The following CWF19L2 variants were observed in gnomAD, a reference collection of about 807,000 sequenced individuals.
CWF19L2 encodes CWF19-like protein 2.
Under a neutral mutation model 111.7 loss-of-function variants are expected in CWF19L2, and 98 were observed. That is an observed-to-expected ratio of 0.88 (90% CI 0.75 to 1.04). CWF19L2 has a LOEUF of 1.04. Ranked by LOEUF, CWF19L2 falls within the 50% of genes least tolerant of loss-of-function variation. CWF19L2 has a pLI of 0.00. For missense variants in CWF19L2, 1,101 were observed against 1,051.4 expected, an observed-to-expected ratio of 1.05 and a Z score of -0.65; for synonymous variants, 351 against 342.9, an observed-to-expected ratio of 1.02 and a Z score of -0.26.
At chr11:107,356,289 A>T (rs1860236241) in intron 12 of CWF19L2, among the ~76,000 whole-genome samples, 1 of 152,192 alleles carries the variant, frequency 6.6e-6, no homozygotes. Context: ...AAGACAAGAA[A>T]GGTCTCAAAT....
intron 3 of CWF19L2, among the ~76,000 whole-genome samples, chr11:107,451,029 A>T (rs1041544226): frequency 3.9e-5 from 6 of 152,210 alleles, no homozygotes; most frequent in Non-Finnish European, 7.4e-5. Context: ...ACTATACCTA[A>T]CAATGGCAGA....
At chr11:107,413,984 T>C (rs541199019) in intron 10 of CWF19L2, among the ~76,000 whole-genome samples, 1 of 152,156 alleles carries the variant, frequency 6.6e-6, no homozygotes, top group South Asian at 2.1e-4. Context: ...AAAAGAGGTA[T>C]CATGTAAAAA....
At chr11:107,454,622 T>A in intron 2 of CWF19L2, 50 bp from the exon 3 acceptor site, 2 of 1,222,896 alleles carry the variant, frequency 1.6e-6, no homozygotes, top group Non-Finnish European at 2.1e-6. Flanking sequence ...CATCTTAATT[T>A]AAAAGGATGT....
At chr11:107,393,149 T>G (rs996934675) in intron 10 of CWF19L2, among the ~76,000 whole-genome samples, 1 of 152,104 alleles carries the variant, frequency 6.6e-6, no homozygotes, top group Non-Finnish European at 1.5e-5. Context: ...CAAATAAAAT[T>G]TTCATCTAGA....
chr11:107,335,834 C>G (rs1859915106), intron 15 of CWF19L2, among the ~76,000 whole-genome samples: 1 of 152,116 alleles, frequency 6.6e-6, no homozygotes, highest in South Asian at 2.1e-4. Flanking sequence ...AGAACAGATA[C>G]AGTGCTATTA....
In CWF19L2 at chr11:107,329,935, G is replaced by A; in HGVS notation, c.2524C>T (p.Pro842Ser). 1 of 1,582,668 alleles carries A rather than the reference G, an allele frequency of 6.3e-7. No homozygotes were observed. The highest frequency in any genetic ancestry group is 2.3e-5 in the East Asian group (1 of 44,054). The change falls in exon 17 of 18, where the codon CCT (proline) becomes TCT (serine). Residue 842 changes from proline (P) to serine (S), a missense_variant. Transcript: ENST00000282251. ...AHVIEDQHKF[P>S]HYFGKEIIGG... Reference sequence around the variant, plus strand: ...AAGCCTACCTTTCCAAAGTAATGAGGGAATTTGTGCTGATCTTCAATGACA... The same window carrying A: ...AAGCCTACCTTTCCAAAGTAATGAGAGAATTTGTGCTGATCTTCAATGACA...
At chr11:107,327,270 A>T (rs1167629128) in intron 17 of CWF19L2, among the ~76,000 whole-genome samples, 1 of 152,158 alleles carries the variant, frequency 6.6e-6, no homozygotes, top group Non-Finnish European at 1.5e-5. Flanking sequence ...TGCATCTCCT[A>T]TCAAGCAATT....
chr11:107,388,566 G>C (rs534903308), intron 12 of CWF19L2, among the ~76,000 whole-genome samples: 2 of 152,148 alleles, frequency 1.3e-5, no homozygotes, highest in South Asian at 2.1e-4. Flanking sequence ...ATTTTTAGTA[G>C]AGACGGGGAT....
chr11:107,445,772 C>T (rs1861693414), intron 3 of CWF19L2, among the ~76,000 whole-genome samples: 1 of 152,156 alleles, frequency 6.6e-6, no homozygotes. Flanking sequence ...CATCTGACCA[C>T]CGTACTTCTC....
chr11:107,455,530 T>C (rs1721236233), intron 2 of CWF19L2, 136 bp downstream of exon 2: 2 of 540,482 alleles, frequency 3.7e-6, no homozygotes, highest in Non-Finnish European at 6.4e-6. Context: ...GATGAAACTA[T>C]TCAGCAATGC....
At chr11:107,385,971 G>T (rs1243219474) in intron 12 of CWF19L2, among the ~76,000 whole-genome samples, 1 of 152,098 alleles carries the variant, frequency 6.6e-6, no homozygotes, top group African/African-American at 2.4e-5. Flanking sequence ...TGTATTTTAT[G>T]ATTATTGTGG....
chr11:107,410,439 A>C (rs1591188863), intron 10 of CWF19L2, among the ~76,000 whole-genome samples: 1 of 152,172 alleles, frequency 6.6e-6, no homozygotes, highest in East Asian at 1.9e-4. Flanking sequence ...AGTGTGCTTG[A>C]ACCTTCTCTG....
intron 12 of CWF19L2, among the ~76,000 whole-genome samples, chr11:107,381,079 G>A (rs540247145): frequency 6.6e-6 from 1 of 152,072 alleles, no homozygotes; most frequent in Non-Finnish European, 1.5e-5. Flanking sequence ...GCAGGACAGT[G>A]GGAAGGAGAA....
chr11:107,424,457 A>AT (rs11451783), intron 8 of CWF19L2, among the ~76,000 whole-genome samples: 2 of 80,652 alleles, frequency 2.5e-5, no homozygotes, highest in Non-Finnish European at 5.7e-5. Context: ...TTTTATAATA[A>AT]AAAAAAAAAA....
chr11:107,410,987 T>C (rs996383131), intron 10 of CWF19L2, among the ~76,000 whole-genome samples: 3 of 152,082 alleles, frequency 2.0e-5, no homozygotes, highest in African/African-American at 7.2e-5. Context: ...GGTCAATTTA[T>C]TTGGTAGGGT....
intron 10 of CWF19L2, among the ~76,000 whole-genome samples, chr11:107,394,905 T>TGCTTAAAA (rs1463254866): frequency 6.6e-6 from 1 of 152,198 alleles, no homozygotes; most frequent in Non-Finnish European, 1.5e-5. Flanking sequence ...AGGGAACATT[T>TGCTTAAAA]ATCACCAGAA....
intron 3 of CWF19L2, among the ~76,000 whole-genome samples, chr11:107,448,296 G>T (rs1024979148): frequency 9.4e-5 from 12 of 127,286 alleles, no homozygotes; most frequent in African/African-American, 3.7e-4. Context: ...AGTGAGCTGA[G>T]ATCACGCCAC....
chr11:107,332,861 C>T (rs562780323), intron 16 of CWF19L2, among the ~76,000 whole-genome samples: 2 of 152,082 alleles, frequency 1.3e-5, no homozygotes, highest in African/African-American at 4.8e-5. Context: ...GTGGCTCACA[C>T]CTGTATTCCC....
At chr11:107,350,631 G>A (rs1004963751) in intron 13 of CWF19L2, among the ~76,000 whole-genome samples, 4 of 151,750 alleles carry the variant, frequency 2.6e-5, no homozygotes, top group Non-Finnish European at 4.4e-5. Context: ...TCCAGTCTAC[G>A]GTATTTTTTA....
Sources: allele counts gnomAD v4.1 joint callset (sites outside exome capture counted in the v4.1 genomes callset), GRCh38; gene constraint gnomAD v4.1.1; transcripts MANE v1.5; gene names NCBI Gene and HGNC (gene_info 2026-07-23, HGNC 2026-07-21).